CCDC110: variants seen among roughly 807,000 people sequenced by gnomAD.
The protein encoded by CCDC110 is coiled-coil domain-containing protein 110.
A neutral mutation model predicts 77.1 loss-of-function variants in CCDC110; 70 were observed. The ratio of observed to expected loss-of-function variants is 0.91; its 90% CI spans 0.75 to 1.11. The LOEUF is 1.11. Among genes scored for constraint, CCDC110 ranks in the 50% least tolerant of loss-of-function variants. The probability of loss-of-function intolerance (pLI) is 0.00; values close to 1 mark genes in which losing one functional copy is unlikely to be tolerated. For missense variants in CCDC110, 868 were observed against 942.9 expected (o/e 0.92, Z 1.04); for synonymous variants, 295 against 312.5 (o/e 0.94, Z 0.59).
chr4:185,447,323 A>G (rs914661341), intron 6 of CCDC110, among the ~76,000 whole-genome samples: 1 of 151,790 alleles, frequency 6.6e-6, no homozygotes, highest in Non-Finnish European at 1.5e-5. Flanking sequence ...CTGGGACTAC[A>G]GGCGCCCGCC....
rs569521762 is a variant in CCDC110, at chr4:185,453,106, G to A, written c.2461+5020C>T. Among the ~76,000 whole-genome samples, 7 of 152,208 alleles carry A rather than the reference G, an allele frequency of 4.6e-5. No homozygotes were observed. The South Asian group carries it at 1.0e-3, about 23-fold the overall frequency. On this transcript the variant is annotated intron_variant, in intron 6 of 6. Coordinates refer to ENST00000307588, the MANE Select transcript of CCDC110 (RefSeq NM_152775.4). Reference sequence around the variant, plus strand: ...ATTAAGGCTGGGTACAGTGGCCCATGCCTGTAGTACCAGCATTTTGGGAAG... The same window carrying A: ...ATTAAGGCTGGGTACAGTGGCCCATACCTGTAGTACCAGCATTTTGGGAAG...
At chr4:185,470,739 G>T (rs751625174) in intron 2 of CCDC110, 1 of 649,830 alleles carries the variant, frequency 1.5e-6, no homozygotes. Flanking sequence ...GATCGTGGTA[G>T]CACCCACCTC....
intron 2 of CCDC110, 23 bp downstream of exon 2, chr4:185,470,922 C>G (rs747712884): frequency 6.5e-7 from 1 of 1,532,440 alleles, no homozygotes; most frequent in East Asian, 2.3e-5. Context: ...TTAAAGGAGC[C>G]TTTTACGGTC....
intron 6 of CCDC110, among the ~76,000 whole-genome samples, chr4:185,453,217 T>A (rs1259223652): frequency 6.6e-6 from 1 of 151,954 alleles, no homozygotes; most frequent in African/African-American, 2.4e-5. Flanking sequence ...ACAAACAAAC[T>A]AAAACAAAAC....
At chr4:185,455,538 A>C (rs771163875) in intron 6 of CCDC110, among the ~76,000 whole-genome samples, 29 of 152,188 alleles carry the variant, frequency 1.9e-4, no homozygotes, top group Non-Finnish European at 3.4e-4. Flanking sequence ...CATAATAATA[A>C]AGGTATCAGT....
chr4:185,457,797 T>C (rs1335451082), intron 6 of CCDC110: 1 of 1,447,080 alleles, frequency 6.9e-7, no homozygotes, highest in Non-Finnish European at 9.2e-7. Flanking sequence ...AAGCAAATGA[T>C]ACAGTTTACT....
chr4:185,451,034 C>T (rs1053899592), intron 6 of CCDC110, among the ~76,000 whole-genome samples: 2 of 152,084 alleles, frequency 1.3e-5, no homozygotes, highest in Admixed American at 1.3e-4. Context: ...ATCATGGAGG[C>T]AGCTTCCCCC....
At chr4:185,470,750 G>T (rs781640428) in intron 2 of CCDC110, 195 bp downstream of exon 2, 2 of 660,972 alleles carry the variant, frequency 3.0e-6, no homozygotes, top group African/African-American at 3.6e-5. Flanking sequence ...CACCCACCTC[G>T]TAAAAGTGTT....
At position 185,465,751 on chromosome 4, in the gene CCDC110, A is replaced by G. The variant is rs73012186; in HGVS notation, c.116-2702T>C. Among the ~76,000 whole-genome samples, 1,305 of 152,298 alleles carry G rather than the reference A, an allele frequency of 8.6e-3. 17 individuals are homozygous for G. The highest frequency in any genetic ancestry group is 0.029 in the African/African-American group (1,190 of 41,556). On this transcript the variant is annotated intron_variant, in intron 2 of 6. Coordinates refer to ENST00000307588, the MANE Select transcript of CCDC110 (RefSeq NM_152775.4). The stretch of plus-strand genomic sequence containing the variant: ...CGCAATAATCTAAGTGGAGATGAAG[A>G]TATCTTGGACTAGAATGGTGGTGGG...
chr4:185,459,057 T>G lies in CCDC110; in HGVS notation c.1530A>C (p.Lys510Asn), dbSNP rs2095641009. 6.4e-7 allele frequency: 1 copy of G among 1,565,398 alleles called. No individual in the cohort carries two copies. Among genetic ancestry groups the G allele is most frequent in the Non-Finnish European group, 8.7e-7 (1 of 1,154,316 alleles). The change falls in exon 6 of 7, where the codon AAA becomes AAC. Residue 510 changes from lysine to asparagine, a missense_variant. Lys to Asn is a moderately conservative substitution (Grantham distance 94). Coordinates refer to ENST00000307588, the MANE Select transcript of CCDC110 (RefSeq NM_152775.4). ...GCAGAACATTATATTTACTAATTAT[T>G]TTTTTAAATTCTTTAAGACACTCTT... ...YSKECLKEFK[K>N]IISKYNVLQG...
At chr4:185,457,760 A>G in intron 6 of CCDC110, 1 of 1,421,806 alleles carries the variant, frequency 7.0e-7, no homozygotes, top group East Asian at 2.7e-5. Context: ...CATTGATTTT[A>G]GCAGTTTATT....
intron 2 of CCDC110, among the ~76,000 whole-genome samples, chr4:185,464,476 A>G (rs1206087722): frequency 6.6e-6 from 1 of 152,196 alleles, no homozygotes; most frequent in Admixed American, 6.5e-5. Flanking sequence ...TTGGGAATAA[A>G]ATGGCAGCTA....
intron 6 of CCDC110, among the ~76,000 whole-genome samples, chr4:185,447,961 A>G (rs1245603370): frequency 6.6e-6 from 1 of 152,154 alleles, no homozygotes; most frequent in Non-Finnish European, 1.5e-5. Context: ...TTCCAAGCCT[A>G]CTATGTCTTG....
rs1351399958 is a variant in CCDC110 at position 185,458,985 on chromosome 4, TAAAG to T, written c.1598_1601del (p.Ser533Ter). The T allele has an allele frequency of 6.2e-7, 1 of 1,604,082 alleles. No homozygotes were observed. The highest frequency in any genetic ancestry group is 1.1e-5 in the South Asian group (1 of 89,138). The stretch of plus-strand genomic sequence containing the variant: ...ATGCTTCCATCATTTGTTGCTTCTC[TAAAG>T]AAAGTTGTATATTTTTTTCCTCTAG... On this transcript the variant is annotated frameshift_variant, in exon 6 of 7. Transcript: ENST00000307588. LOFTEE classifies it high-confidence loss of function.
intron 2 of CCDC110, chr4:185,470,580 T>C (rs919342682): frequency 4.5e-6 from 2 of 446,394 alleles, no homozygotes; most frequent in South Asian, 1.6e-5. Flanking sequence ...CAATTCTTAC[T>C]TAGCATTCAG....
intron 4 of CCDC110, among the ~76,000 whole-genome samples, chr4:185,462,049 G>C (rs1268771181): frequency 1.3e-5 from 2 of 152,160 alleles, no homozygotes; most frequent in South Asian, 2.1e-4. Context: ...AGGGAGCCAA[G>C]ATCATGCCAC....
Position 185,459,940 on chromosome 4 carries a change from TCAGC to T in CCDC110, c.643_646del (p.Ala215IlefsTer3). ...TTTGGATTTATCCAGAATTACTGTA[TCAGC>T]TTGAGACATCACATTTGGAGGTGCA... On this transcript the variant is annotated frameshift_variant, in exon 6 of 7. Transcript: ENST00000307588. LOFTEE classifies it high-confidence loss of function. The T allele has an allele frequency of 6.2e-7, 1 of 1,613,870 alleles. No homozygotes were observed. Among genetic ancestry groups the T allele is most frequent in the South Asian group, 1.1e-5 (1 of 91,058 alleles).
At chr4:185,457,772 A>T in intron 6 of CCDC110, 2 of 1,434,382 alleles carry the variant, frequency 1.4e-6, no homozygotes, top group Non-Finnish European at 1.8e-6. Flanking sequence ...CAGTTTATTT[A>T]TATATCTTGG....
intron 6 of CCDC110, among the ~76,000 whole-genome samples, chr4:185,453,815 T>A (rs1239882537): frequency 4.4e-5 from 1 of 22,910 alleles, no homozygotes; most frequent in African/African-American, 4.3e-4. Flanking sequence ...TCGTTGCTAT[T>A]TTTTTTTTTT....
Sources: allele counts gnomAD v4.1 joint callset (sites outside exome capture counted in the v4.1 genomes callset), GRCh38; gene constraint gnomAD v4.1.1; transcripts MANE v1.5; gene names NCBI Gene and HGNC (gene_info 2026-07-23, HGNC 2026-07-21).